Variants in DEPDC5 observed in about 807,000 individuals in gnomAD.
The protein encoded by DEPDC5 is GATOR1 complex protein DEPDC5.
A neutral mutation model predicts 217.3 loss-of-function variants in DEPDC5; 73 were observed. The observed-to-expected ratio is 0.34, with a 90% confidence interval of 0.28 to 0.41. The LOEUF (loss-of-function observed/expected upper bound fraction) is 0.41. Ranked by LOEUF, DEPDC5 falls within the 10% of genes least tolerant of loss-of-function variation. DEPDC5 has a pLI of 1.00. For synonymous variants in DEPDC5, 733 were observed against 756.7 expected (o/e 0.97, Z 0.51); for missense variants, 1,675 against 2,070.1 (o/e 0.81, Z 3.70).
At chr22:31,792,662 A>G (rs1239945807) in intron 11 of DEPDC5, 83 bp from the exon 12 acceptor site, 1 of 993,972 alleles carries the variant, frequency 1.0e-6, no homozygotes, top group African/African-American at 1.7e-5. Flanking sequence ...TTGTGATGCA[A>G]ATCTTTAACC....
Position 31,897,505 on chromosome 22 carries a change from C to T in DEPDC5, c.4227C>T (p.Ala1409=), listed in dbSNP as rs2149397128. ...AGGTCCAAGGTTGGCATCGGAAAGC[C>T]ACCTCCTGTGGCTTCTTGTTAGTCC... ...FEMVQGWHRK[A]TSCGFLLVPV... is the part of the protein sequence containing the mutation. The change falls in exon 40 of 43, where the codon GCC becomes GCT. Residue 1409 remains alanine (A), a synonymous_variant. Coordinates refer to ENST00000651528, the MANE Select transcript of DEPDC5 (RefSeq NM_001242896.3). 6.2e-7 allele frequency: 1 copy of T among 1,613,498 alleles called. No individual in the cohort carries two copies. Among genetic ancestry groups the T allele is most frequent in the Non-Finnish European group, 8.5e-7 (1 of 1,179,616 alleles).
intron 41 of DEPDC5, among the ~76,000 whole-genome samples, chr22:31,904,176 A>G (rs1858192362): frequency 6.6e-6 from 1 of 151,512 alleles, no homozygotes; most frequent in Non-Finnish European, 1.5e-5. Context: ...CTCCTCCTTC[A>G]TCTTCCTCAG....
At chr22:31,776,617 C>A (rs1480247219) in intron 7 of DEPDC5, among the ~76,000 whole-genome samples, 1 of 126,014 alleles carries the variant, frequency 7.9e-6, no homozygotes, top group Non-Finnish European at 1.6e-5. Context: ...GCTCTTGTTG[C>A]CCAGGCTGGA....
At chr22:31,889,567 C>T (rs57928101) in intron 38 of DEPDC5, among the ~76,000 whole-genome samples, 8,474 of 83,312 alleles carry the variant, frequency 0.1, 291 homozygotes, top group African/African-American at 0.15. Context: ...TTTTTTTTTT[C>T]CAGACAGAGT....
In DEPDC5 at chr22:31,754,020, G is replaced by C. The variant is rs925196558; in HGVS notation, c.-205G>C. On this transcript the variant is annotated 5_prime_UTR_variant, in exon 1 of 43. Coordinates refer to ENST00000651528, the MANE Select transcript of DEPDC5 (RefSeq NM_001242896.3). ...AGGTGAGCGCTACACGGTCGGGGCG[G>C]GCCTAGTAGGCGCTTCAGGCTTAGG... 1 of 144,404 alleles carries C rather than the reference G, an allele frequency of 6.9e-6. No individual in the cohort carries two copies. The highest frequency in any genetic ancestry group is 1.5e-5 in the Non-Finnish European group (1 of 66,216). 8.9% of individuals were successfully genotyped at this position (144,404 alleles called of 1,614,324 possible). A position where few individuals can be genotyped will look rare whatever the true frequency, so the allele number is the denominator to read the frequency against.
At chr22:31,865,954 C>T (rs890680367) in intron 33 of DEPDC5, among the ~76,000 whole-genome samples, 3 of 152,132 alleles carry the variant, frequency 2.0e-5, no homozygotes, top group Admixed American at 6.5e-5. Flanking sequence ...CATTTGTCTC[C>T]GGGTAAGACA....
chr22:31,768,302 GT>G (rs200090071), intron 6 of DEPDC5, among the ~76,000 whole-genome samples: 1 of 150,186 alleles, frequency 6.7e-6, no homozygotes, highest in Admixed American at 6.7e-5. Context: ...CTCATTTGAG[GT>G]TTTTTTTTCC....
intron 31 of DEPDC5, among the ~76,000 whole-genome samples, chr22:31,852,578 T>C (rs1437784717): frequency 5.9e-5 from 9 of 152,132 alleles, no homozygotes; most frequent in Admixed American, 5.9e-4. Context: ...ACCTCAGGTG[T>C]TCCACCTGCC....
intron 5 of DEPDC5, among the ~76,000 whole-genome samples, chr22:31,766,371 C>T (rs1420263214): frequency 6.6e-6 from 1 of 152,194 alleles, no homozygotes; most frequent in Non-Finnish European, 1.5e-5. Context: ...CAATGTGCTA[C>T]AGCAGCTATA....
intron 33 of DEPDC5, among the ~76,000 whole-genome samples, chr22:31,862,242 C>CAATA (rs767611846): frequency 1.0e-4 from 15 of 149,994 alleles, no homozygotes; most frequent in Non-Finnish European, 1.6e-4. Flanking sequence ...AACTCCATCT[C>CAATA]AATAAATAAA....
chr22:31,799,340 G>A (rs1387253643), intron 14 of DEPDC5, among the ~76,000 whole-genome samples: 1 of 145,490 alleles, frequency 6.9e-6, no homozygotes, highest in Admixed American at 7.0e-5. Flanking sequence ...ACAGCACCTG[G>A]CCTTTTTTTT....
chr22:31,859,613 A>C (rs2092441976), intron 32 of DEPDC5, among the ~76,000 whole-genome samples: 1 of 149,990 alleles, frequency 6.7e-6, no homozygotes, highest in African/African-American at 2.5e-5. Context: ...GGTTGGTCCC[A>C]AACTCCTGAC....
At chr22:31,772,230 G>A (rs2083429032) in intron 7 of DEPDC5, among the ~76,000 whole-genome samples, 1 of 152,020 alleles carries the variant, frequency 6.6e-6, no homozygotes, top group Non-Finnish European at 1.5e-5. Context: ...TCCCATCTTT[G>A]AAAACAAACA....
chr22:31,760,455 C>T (rs979153699), intron 3 of DEPDC5, among the ~76,000 whole-genome samples: 15 of 152,144 alleles, frequency 9.9e-5, no homozygotes, highest in East Asian at 9.7e-4. Context: ...CCACCTGCCT[C>T]GGCCTCCCAA....
chr22:31,818,659 CT>C (rs2089399562), intron 21 of DEPDC5, among the ~76,000 whole-genome samples: 1 of 152,108 alleles, frequency 6.6e-6, no homozygotes, highest in Admixed American at 6.6e-5. Flanking sequence ...TTTATTGTTC[CT>C]CCCTCTTAGA....
chr22:31,904,710 G>T (rs749130921), intron 41 of DEPDC5, among the ~76,000 whole-genome samples: 1 of 152,188 alleles, frequency 6.6e-6, no homozygotes, highest in Admixed American at 6.5e-5. Context: ...TACCACTGCA[G>T]TCCAGCCTGG....
chr22:31,783,889 A>G lies in DEPDC5; in HGVS notation c.484-18A>G, dbSNP rs1165346749. The G allele has an allele frequency of 6.2e-7, 1 of 1,608,314 alleles. No homozygotes were observed. The highest frequency in any genetic ancestry group is 1.7e-5 in the Admixed American group (1 of 59,106). On this transcript the variant is annotated intron_variant, in intron 8 of 42. Coordinates refer to ENST00000651528, the MANE Select transcript of DEPDC5 (RefSeq NM_001242896.3). Reference sequence around the variant, plus strand: ...GTATATGGCATTGCTTTTTAATACAATTGTGTTTTTATTTCAGGTGGTGTT... The same window carrying G: ...GTATATGGCATTGCTTTTTAATACAGTTGTGTTTTTATTTCAGGTGGTGTT...
chr22:31,888,614 A>G (rs1180699715), intron 38 of DEPDC5, among the ~76,000 whole-genome samples: 2 of 151,812 alleles, frequency 1.3e-5, no homozygotes, highest in Non-Finnish European at 2.9e-5. Flanking sequence ...CTGTGGCATG[A>G]TCCTAGCTTG....
At chr22:31,852,877 G>A (rs1413312442) in intron 31 of DEPDC5, 4 of 152,364 alleles carry the variant, frequency 2.6e-5, no homozygotes, top group African/African-American at 9.7e-5. Context: ...CGGGGGCCAG[G>A]AGGCAGAGTC....
Sources: allele counts gnomAD v4.1 joint callset (sites outside exome capture counted in the v4.1 genomes callset), GRCh38; gene constraint gnomAD v4.1.1; transcripts MANE v1.5; gene names NCBI Gene and HGNC (gene_info 2026-07-23, HGNC 2026-07-21).